The following RBFOX1 variants were observed in gnomAD, a reference collection of about 807,000 sequenced individuals.
RBFOX1 encodes RNA binding protein fox-1 homolog 1.
RBFOX1 carries 8 observed loss-of-function variants against 57.7 expected under a neutral mutation model. The ratio of observed to expected loss-of-function variants is 0.14; its 90% CI spans 0.08 to 0.25. The LOEUF (loss-of-function observed/expected upper bound fraction) is 0.25, where lower values mean the gene tolerates loss of function less well. Ranked by LOEUF, RBFOX1 falls within the 10% of genes least tolerant of loss-of-function variation. The probability of loss-of-function intolerance (pLI) is 1.00; values close to 1 mark genes in which losing one functional copy is unlikely to be tolerated. For synonymous variants in RBFOX1, 326 were observed against 222.4 expected (o/e 1.47, Z -4.15); for missense variants, 611 against 548.5 (o/e 1.11, Z -1.14).
chr16:6,888,365 T>G (rs948937274), intron 3 of RBFOX1, among the ~76,000 whole-genome samples: 29 of 152,114 alleles, frequency 1.9e-4, no homozygotes, highest in African/African-American at 4.6e-4. Context: ...AACTTTTTCG[T>G]TTTTTTGTGA....
chr16:7,179,212 C>G (rs1349256012), intron 4 of RBFOX1, among the ~76,000 whole-genome samples: 2 of 144,272 alleles, frequency 1.4e-5, no homozygotes, highest in Non-Finnish European at 3.1e-5. Flanking sequence ...TGGAAGGATG[C>G]TTAACCGGGA....
At chr16:5,870,631 T>C (rs2057448040) in intron 4 of RBFOX1, among the ~76,000 whole-genome samples, 1 of 152,008 alleles carries the variant, frequency 6.6e-6, no homozygotes, top group African/African-American at 2.4e-5. Context: ...CTTTTTTTTT[T>C]CCTTACCATT....
rs547891730 is a variant in RBFOX1, at chr16:5,880,859, C to G, written c.351+13524C>G. Among the ~76,000 whole-genome samples the G allele has an allele frequency of 1.1e-3, 170 of 152,278 alleles. 1 individual carries two copies. In the Middle Eastern group the frequency reaches 0.017, roughly 15 times the overall value. ...TAAATAAATTAAAACATGATTCAGTCAAATCTTTGCTTTCTTTGTTAACAC... is the reference window on the plus strand; with the variant it reads ...TAAATAAATTAAAACATGATTCAGTGAAATCTTTGCTTTCTTTGTTAACAC... On this transcript the variant is annotated intron_variant, in intron 4 of 19. Transcript: ENST00000641259.
rs1378938660 is a variant in RBFOX1 at position 7,504,749 on chromosome 16, A to T, written c.28-13398A>T. Among the ~76,000 whole-genome samples the T allele has an allele frequency of 9.5e-3, 59 of 6,200 alleles. 6 individuals carry two copies. The highest frequency in any genetic ancestry group is 0.017 in the African/African-American group (49 of 2,860). The allele number at this position is 6,200 out of a possible 152,430, so 4.1% of individuals were successfully genotyped here. A position where few individuals can be genotyped will look rare whatever the true frequency, so the allele number is the denominator to read the frequency against. ...TATATATATATATATATATATATAT[A>T]TATATTTATATATATATATATTTAT... is the stretch of plus-strand genomic sequence containing the variant. On this transcript the variant is annotated intron_variant, in intron 4 of 15. Coordinates refer to ENST00000550418, the MANE Select transcript of RBFOX1 (RefSeq NM_018723.4).
At chr16:6,861,717 A>G (rs17141574) in intron 3 of RBFOX1, among the ~76,000 whole-genome samples, 1 of 151,528 alleles carries the variant, frequency 6.6e-6, no homozygotes, top group Admixed American at 6.6e-5. Context: ...AAGGCCCGGA[A>G]GTCTTCAGGA....
intron 2 of RBFOX1, among the ~76,000 whole-genome samples, chr16:6,380,728 G>A (rs538798895): frequency 6.6e-6 from 1 of 152,088 alleles, no homozygotes; most frequent in East Asian, 1.9e-4. Context: ...CAGGTGTTAA[G>A]TATAGGAACT....
intron 3 of RBFOX1, among the ~76,000 whole-genome samples, chr16:6,953,025 G>A (rs576314645): frequency 1.5e-3 from 231 of 152,172 alleles, no homozygotes; most frequent in Middle Eastern, 0.014. Context: ...ACCTCACCTG[G>A]CAATGTATAT....
At chr16:5,999,528 G>A (rs191545074) in intron 4 of RBFOX1, among the ~76,000 whole-genome samples, 66 of 152,274 alleles carry the variant, frequency 4.3e-4, no homozygotes, top group African/African-American at 1.4e-3. Flanking sequence ...GAGGTGTAAC[G>A]CCAGGGCAGC....
chr16:5,819,793 T>G (rs1272496422), intron 3 of RBFOX1, among the ~76,000 whole-genome samples: 1 of 152,190 alleles, frequency 6.6e-6, no homozygotes, highest in Non-Finnish European at 1.5e-5. Flanking sequence ...AGCACTTTCT[T>G]TACATGCTAG....
chr16:6,923,566 T>C (rs985462680), intron 3 of RBFOX1, among the ~76,000 whole-genome samples: 1 of 151,972 alleles, frequency 6.6e-6, no homozygotes, highest in Non-Finnish European at 1.5e-5. Context: ...TGGTATTCTG[T>C]TAATCATGGC....
intron 4 of RBFOX1, among the ~76,000 whole-genome samples, chr16:6,014,003 C>G (rs985932171): frequency 6.6e-6 from 1 of 151,798 alleles, no homozygotes; most frequent in East Asian, 1.9e-4. Context: ...AGGAGATACA[C>G]CTAATGTTAA....
chr16:5,902,354 C>A (rs1215649929), intron 4 of RBFOX1, among the ~76,000 whole-genome samples: 1 of 152,192 alleles, frequency 6.6e-6, no homozygotes, highest in African/African-American at 2.4e-5. Context: ...TGTTTTCCCA[C>A]AGAGAAATGC....
chr16:6,543,401 G>A lies in RBFOX1; in HGVS notation c.-63-111202G>A, dbSNP rs116596848. On this transcript the variant is annotated intron_variant, in intron 2 of 15. Transcript: ENST00000550418. ...TCTCAAAGACTTCCACTGAGACTCT[G>A]CGCACCTTTATTGGGTTGGCCTGAT... is the stretch of plus-strand genomic sequence containing the variant. 4.3e-3 allele frequency among the ~76,000 whole-genome samples: 658 copies of A among 152,210 alleles called. 1 individual carries two copies. Among genetic ancestry groups the A allele is most frequent in the African/African-American group, 0.013 (560 of 41,530 alleles).
chr16:5,944,306 G>A (rs1320861335), intron 4 of RBFOX1, among the ~76,000 whole-genome samples: 2 of 152,164 alleles, frequency 1.3e-5, no homozygotes, highest in African/African-American at 4.8e-5. Flanking sequence ...GTCACCAGGC[G>A]GCTTTTGAGG....
chr16:5,914,450 A>G (rs1269875445), intron 4 of RBFOX1, among the ~76,000 whole-genome samples: 1 of 152,128 alleles, frequency 6.6e-6, no homozygotes, highest in African/African-American at 2.4e-5. Flanking sequence ...AAGTTCATTC[A>G]TGTAACCTTT....
chr16:5,685,617 A>G (rs946945513), intron 3 of RBFOX1, among the ~76,000 whole-genome samples: 26 of 152,200 alleles, frequency 1.7e-4, no homozygotes, highest in African/African-American at 6.0e-4. Context: ...GTTCTTTCAT[A>G]TAAGTTAATC....
intron 3 of RBFOX1, among the ~76,000 whole-genome samples, chr16:6,974,532 A>G (rs2086360029): frequency 6.6e-6 from 1 of 151,270 alleles, no homozygotes; most frequent in Admixed American, 6.6e-5. Flanking sequence ...TTTAGTAGAG[A>G]TGAGGTTTCA....
At chr16:6,808,178 GTATATA>G (rs71145298) in intron 3 of RBFOX1, among the ~76,000 whole-genome samples, 15 of 145,544 alleles carry the variant, frequency 1.0e-4, no homozygotes, top group Non-Finnish European at 1.9e-4. Flanking sequence ...GTGTGTGTGT[GTATATA>G]TATATATATA....
intron 2 of RBFOX1, among the ~76,000 whole-genome samples, chr16:6,349,449 C>T (rs917953295): frequency 2.0e-5 from 3 of 152,100 alleles, no homozygotes; most frequent in African/African-American, 7.2e-5. Context: ...AAAGCTACCC[C>T]ATAGAATTAA....
Sources: gnomAD v4.1 joint callset for allele counts (sites outside exome capture counted in the v4.1 genomes callset) on GRCh38, gnomAD v4.1.1 for gene constraint, MANE v1.5 for transcripts, NCBI Gene and HGNC (gene_info 2026-07-23, HGNC 2026-07-21) for gene names.